The following VTA1 variants were observed in gnomAD, a reference collection of about 807,000 sequenced individuals.
VTA1 encodes the protein vacuolar protein sorting-associated protein VTA1 homolog.
A neutral mutation model predicts 36.9 loss-of-function variants in VTA1; 24 were observed. The ratio of observed to expected loss-of-function variants is 0.65; its 90% confidence interval spans 0.47 to 0.91. The LOEUF is 0.91. Among genes scored for constraint, VTA1 ranks in the 40% least tolerant of loss-of-function variants. The pLI is 0.00. For synonymous variants in VTA1, 142 were observed against 130.2 expected, an observed-to-expected ratio of 1.09 and a Z score of -0.62; for missense variants, 393 against 377.2, an observed-to-expected ratio of 1.04 and a Z score of -0.35.
At position 142,220,171 on chromosome 6, in the gene VTA1, A is replaced by G. The variant is rs1314122755; in HGVS notation, c.*1528A>G. ...CATGCCTCCTAAAAAACATTTTCCT[A>G]TCTTTTACAAGAGGTATGAACATTT... On this transcript the variant is annotated 3_prime_UTR_variant, in exon 8 of 8. Coordinates refer to ENST00000367630, the MANE Select transcript of VTA1 (RefSeq NM_016485.5). 4 of 152,210 alleles carry G rather than the reference A, an allele frequency of 2.6e-5. No homozygotes were observed. The highest frequency in any genetic ancestry group is 7.2e-5 in the African/African-American group (3 of 41,470). 9.4% of individuals were successfully genotyped at this position (152,210 alleles called of 1,614,324 possible).
At chr6:142,159,533 G>A (rs2114634738) in intron 1 of VTA1, among the ~76,000 whole-genome samples, 1 of 129,856 alleles carries the variant, frequency 7.7e-6, no homozygotes, top group East Asian at 2.3e-4. Context: ...TTATTATTTT[G>A]AGACAAAGTC....
chr6:142,169,773 T>C (rs1182503383), intron 3 of VTA1, 96 bp downstream of exon 3: 4 of 1,156,292 alleles, frequency 3.5e-6, no homozygotes, highest in East Asian at 3.0e-5. Context: ...AACCTGCTGA[T>C]TGATTTAGGT....
At chr6:142,181,094 A>AAAAATATATATATATATATATATATATAT (rs1471429927) in intron 4 of VTA1, among the ~76,000 whole-genome samples, 1 of 36,424 alleles carries the variant, frequency 2.7e-5, no homozygotes, top group Non-Finnish European at 5.8e-5. Context: ...AAAAAAAAAA[A>AAAAATATATATATATATATATATATATAT]ATATATATAT....
intron 3 of VTA1, among the ~76,000 whole-genome samples, 174 bp downstream of exon 3, chr6:142,169,851 A>G (rs983045763): frequency 2.0e-5 from 3 of 152,150 alleles, no homozygotes; most frequent in African/African-American, 7.2e-5. Flanking sequence ...TTCTCTTATA[A>G]GAAAATGGCT....
Position 142,218,653 on chromosome 6 carries a change from A to G in VTA1, c.*10A>G, listed in dbSNP as rs1776047612. 1 of 1,597,832 alleles carries G rather than the reference A, an allele frequency of 6.3e-7. No individual in the cohort carries two copies. Among genetic ancestry groups the G allele is most frequent in the African/African-American group, 1.4e-5 (1 of 73,832 alleles). On this transcript the variant is annotated 3_prime_UTR_variant, in exon 8 of 8. Transcript: ENST00000367630. Reference sequence around the variant, plus strand: ...GACAGGCAGAGAATGAAGCCTTTGTATGACAGACCCATGTATTTTTGGCAT... The same window carrying G: ...GACAGGCAGAGAATGAAGCCTTTGTGTGACAGACCCATGTATTTTTGGCAT...
intron 2 of VTA1, among the ~76,000 whole-genome samples, chr6:142,167,638 A>C (rs926054347): frequency 3.3e-5 from 5 of 152,222 alleles, no homozygotes; most frequent in African/African-American, 1.2e-4. Flanking sequence ...AGCCATGGGC[A>C]GTAGTGTTCT....
intron 5 of VTA1, among the ~76,000 whole-genome samples, chr6:142,197,937 AAAAAAACAAACTAGCCGGG>A (rs1775587598): frequency 6.6e-6 from 1 of 151,386 alleles, no homozygotes; most frequent in Non-Finnish European, 1.5e-5. Flanking sequence ...AAAAACCAAA[AAAAAAACAAACTAGCCGGG>A]AGTGGTGGCA....
At position 142,223,732 on chromosome 6, in the gene VTA1, A is replaced by G. The variant is rs1048506440; in HGVS notation, c.*5089A>G. ...GAGCATCTACCATCAAATATTTAAT[A>G]TGATAATGCCATACTGGATATTATA... On this transcript the variant is annotated 3_prime_UTR_variant, in exon 8 of 8. Transcript: ENST00000367630. 1 of 152,152 alleles carries G rather than the reference A, an allele frequency of 6.6e-6. No homozygotes were observed. Among genetic ancestry groups the G allele is most frequent in the Admixed American group, 6.5e-5 (1 of 15,274 alleles). 9.4% of individuals were successfully genotyped at this position (152,152 alleles called of 1,614,324 possible).
In VTA1 at chr6:142,220,458, CAG is replaced by C. The variant is rs1338312841; in HGVS notation, c.*1818_*1819del. ...GCTGGTAGTGGGCTGCATGGTGTGA[CAG>C]AGCCCTTCTCTGTAAAATGGAAATG... On this transcript the variant is annotated 3_prime_UTR_variant, in exon 8 of 8. Transcript: ENST00000367630. 1 of 152,102 alleles carries C rather than the reference CAG, an allele frequency of 6.6e-6. No individual in the cohort carries two copies. The highest frequency in any genetic ancestry group is 6.5e-5 in the Admixed American group (1 of 15,268). The allele number at this position is 152,102 out of a possible 1,614,324, so 9.4% of individuals were successfully genotyped here.
At chr6:142,181,586 TC>T (rs1362152920) in intron 4 of VTA1, among the ~76,000 whole-genome samples, 1 of 151,518 alleles carries the variant, frequency 6.6e-6, no homozygotes, top group Non-Finnish European at 1.5e-5. Flanking sequence ...TTTAAAACTT[TC>T]TGTAAATTTG....
intron 1 of VTA1, among the ~76,000 whole-genome samples, chr6:142,152,194 T>G (rs1320677630): frequency 6.6e-6 from 1 of 152,028 alleles, no homozygotes; most frequent in Non-Finnish European, 1.5e-5. Context: ...ATAAGAAGGC[T>G]CTGATTGAAA....
rs192939619 is a variant in VTA1 at position 142,176,739 on chromosome 6, C to T, written c.411+6318C>T. On this transcript the variant is annotated intron_variant, in intron 4 of 7. Transcript: ENST00000367630. ...ACAGCATAATTTGCTATGTGTGTTT[C>T]AAATATTTCTAAATCCAGTTTCAGT... 2.5e-3 allele frequency among the ~76,000 whole-genome samples: 381 copies of T among 152,008 alleles called. 2 individuals carry two copies. Among genetic ancestry groups the T allele is most frequent in the African/African-American group, 8.8e-3 (366 of 41,442 alleles).
At chr6:142,193,311 G>A (rs1186923198) in intron 5 of VTA1, among the ~76,000 whole-genome samples, 1 of 152,098 alleles carries the variant, frequency 6.6e-6, no homozygotes, top group Non-Finnish European at 1.5e-5. Context: ...TATTGGTGAT[G>A]TTAACTGATC....
intron 4 of VTA1, among the ~76,000 whole-genome samples, chr6:142,174,195 C>T (rs964605826): frequency 6.6e-6 from 1 of 152,126 alleles, no homozygotes; most frequent in African/African-American, 2.4e-5. Flanking sequence ...GCTTTCAACT[C>T]CAACCTGTGG....
intron 7 of VTA1, among the ~76,000 whole-genome samples, chr6:142,207,399 C>T (rs374412631): frequency 6.6e-6 from 1 of 152,136 alleles, no homozygotes; most frequent in African/African-American, 2.4e-5. Flanking sequence ...GCCCCAGAAA[C>T]TTCACTGTGC....
In VTA1 at chr6:142,198,555, C is replaced by T. The variant is rs1357518617; in HGVS notation, c.637C>T (p.Gln213Ter). The change falls in exon 6 of 8, where the codon CAG (glutamine) becomes TAG (stop). Residue 213 changes from glutamine (Q) to a stop codon, truncating the protein, a stop_gained. Coordinates refer to ENST00000367630, the MANE Select transcript of VTA1 (RefSeq NM_016485.5). LOFTEE classifies it high-confidence loss of function. ...GCCATCAGGCAACTATACTGGAATA[C>T]AGATTCCTCCGGGTGCACACGCTCC... ...NMPSGNYTGIQIPPGAHAPAN... is the reference protein window; with the variant it reads ...NMPSGNYTGI 6.2e-7 allele frequency: 1 copy of T among 1,613,962 alleles called. No homozygotes were observed. The highest frequency in any genetic ancestry group is 8.5e-7 in the Non-Finnish European group (1 of 1,179,960).
intron 7 of VTA1, among the ~76,000 whole-genome samples, chr6:142,210,958 T>C (rs1775891005): frequency 6.6e-6 from 1 of 152,224 alleles, no homozygotes; most frequent in Non-Finnish European, 1.5e-5. Context: ...AAATGTGGTG[T>C]GTATACACAA....
intron 4 of VTA1, 89 bp downstream of exon 4, chr6:142,170,510 A>G: frequency 1.2e-6 from 1 of 852,556 alleles, no homozygotes; most frequent in Non-Finnish European, 1.7e-6. Flanking sequence ...TATTTACAGC[A>G]GAATGTCTGT....
chr6:142,180,704 A>T (rs1775210016), intron 4 of VTA1, among the ~76,000 whole-genome samples: 1 of 152,138 alleles, frequency 6.6e-6, no homozygotes, highest in Non-Finnish European at 1.5e-5. Context: ...GGGACAGCTC[A>T]CGTCATGTGC....
Sources: gnomAD v4.1 joint callset for allele counts (sites outside exome capture counted in the v4.1 genomes callset) on GRCh38, gnomAD v4.1.1 for gene constraint, MANE v1.5 for transcripts, NCBI Gene and HGNC (gene_info 2026-07-23, HGNC 2026-07-21) for gene names.